The following EPHA4 variants were observed in gnomAD, a reference collection of about 807,000 sequenced individuals.
EPHA4 encodes the protein EPH receptor A4.
In EPHA4, 19 loss-of-function variants were observed where a neutral mutation model predicts 108.3. That is an observed-to-expected ratio of 0.18 (90% confidence interval 0.12 to 0.26). The LOEUF (loss-of-function observed/expected upper bound fraction) is 0.26, where lower values mean the gene tolerates loss of function less well. EPHA4 is among the 10% of genes least tolerant of loss of function. EPHA4 has a pLI of 1.00. For missense variants in EPHA4, 917 were observed against 1,254.0 expected (o/e 0.73, Z 4.06); for synonymous variants, 449 against 455.5 (o/e 0.99, Z 0.18).
intron 4 of EPHA4, among the ~76,000 whole-genome samples, chr2:221,485,124 T>C (rs1691941068): frequency 6.6e-6 from 1 of 152,180 alleles, no homozygotes; most frequent in African/African-American, 2.4e-5. Context: ...CCTGGTCCAC[T>C]TTCACATGGG....
Position 221,508,517 on chromosome 2 carries a change from T to G in EPHA4, c.824-7345A>C, listed in dbSNP as rs551940415. On this transcript the variant is annotated intron_variant, in intron 3 of 17. Coordinates refer to ENST00000281821, the MANE Select transcript of EPHA4 (RefSeq NM_004438.5). The stretch of plus-strand genomic sequence containing the variant: ...TCACTTGAACCCGGGAGACTGAGGT[T>G]GCAGGGAGCCAAGATCATGCCACTG... 4.6e-5 allele frequency among the ~76,000 whole-genome samples: 7 copies of G among 150,680 alleles called. No homozygotes were observed. In the East Asian group the frequency reaches 7.8e-4, roughly 17 times the overall value.
In EPHA4 at chr2:221,543,791, A is replaced by C. The variant is rs753177801; in HGVS notation, c.823+19940T>G. Among the ~76,000 whole-genome samples, 7 of 152,248 alleles carry C rather than the reference A, an allele frequency of 4.6e-5. No homozygotes were observed. In the South Asian group the frequency reaches 6.2e-4, roughly 14 times the overall value. ...CTTAGAAGGATAAAGTGACTTCTACAAGATTCACACATCCAGAAAAGTCCT... is the reference window on the plus strand; with the variant it reads ...CTTAGAAGGATAAAGTGACTTCTACCAGATTCACACATCCAGAAAAGTCCT... On this transcript the variant is annotated intron_variant, in intron 3 of 17. Coordinates refer to ENST00000281821, the MANE Select transcript of EPHA4 (RefSeq NM_004438.5).
chr2:221,541,343 G>A (rs1430081020), intron 3 of EPHA4, among the ~76,000 whole-genome samples: 2 of 152,092 alleles, frequency 1.3e-5, no homozygotes, highest in Admixed American at 1.3e-4. Flanking sequence ...CCCCTAAGAA[G>A]GTACCATATT....
chr2:221,522,748 TATTATTATTA>T (rs1311478617), intron 3 of EPHA4, among the ~76,000 whole-genome samples: 16 of 32,478 alleles, frequency 4.9e-4, no homozygotes, highest in Admixed American at 1.8e-3. Context: ...TTATTATTAT[TATTATTATTA>T]TTATTATTAT....
At chr2:221,466,619 A>C (rs2106126042) in intron 5 of EPHA4, among the ~76,000 whole-genome samples, 1 of 152,332 alleles carries the variant, frequency 6.6e-6, no homozygotes, top group Non-Finnish European at 1.5e-5. Context: ...CAACATACAC[A>C]CGAAACTAGC....
At chr2:221,475,261 A>T (rs182962656) in intron 5 of EPHA4, among the ~76,000 whole-genome samples, 1 of 152,350 alleles carries the variant, frequency 6.6e-6, no homozygotes, top group Admixed American at 6.5e-5. Flanking sequence ...GAGAACCAGA[A>T]TATCAGTGAA....
chr2:221,435,143 G>C (rs972088577), intron 13 of EPHA4, among the ~76,000 whole-genome samples: 1 of 152,088 alleles, frequency 6.6e-6, no homozygotes, highest in Non-Finnish European at 1.5e-5. Flanking sequence ...GTAGGGCTAC[G>C]AAACAGGACA....
At chr2:221,492,543 C>A (rs1420818798) in intron 4 of EPHA4, among the ~76,000 whole-genome samples, 1 of 152,138 alleles carries the variant, frequency 6.6e-6, no homozygotes, top group Non-Finnish European at 1.5e-5. Flanking sequence ...AAACAAAAAC[C>A]ATCCACTTGG....
At chr2:221,473,239 CAG>C (rs779348896) in intron 5 of EPHA4, among the ~76,000 whole-genome samples, 128 of 152,104 alleles carry the variant, frequency 8.4e-4, no homozygotes, top group Non-Finnish European at 6.8e-4. Context: ...AGGTGGACAC[CAG>C]AAGAAGGTTC....
intron 4 of EPHA4, among the ~76,000 whole-genome samples, chr2:221,490,273 AAAAG>A (rs923866441): frequency 1.3e-5 from 2 of 151,516 alleles, no homozygotes; most frequent in African/African-American, 2.4e-5. Context: ...AAAAAAAAAG[AAAAG>A]AAAGAAAGAA....
At chr2:221,567,845 C>G (rs1167716357) in intron 2 of EPHA4, among the ~76,000 whole-genome samples, 1 of 152,148 alleles carries the variant, frequency 6.6e-6, no homozygotes, top group Non-Finnish European at 1.5e-5. Flanking sequence ...AATCAATGGA[C>G]TCAGCCATAA....
At chr2:221,558,826 T>C (rs749270635) in intron 3 of EPHA4, among the ~76,000 whole-genome samples, 4 of 152,194 alleles carry the variant, frequency 2.6e-5, no homozygotes, top group Non-Finnish European at 5.9e-5. Context: ...ATTACATTTT[T>C]TCAATGATCA....
At chr2:221,437,859 G>T (rs528235554) in intron 11 of EPHA4, among the ~76,000 whole-genome samples, 2 of 151,932 alleles carry the variant, frequency 1.3e-5, no homozygotes, top group Admixed American at 6.5e-5. Context: ...GGAGGCCAAG[G>T]TTGTAGTGAG....
At chr2:221,524,495 C>A (rs1693265901) in intron 3 of EPHA4, among the ~76,000 whole-genome samples, 1 of 152,152 alleles carries the variant, frequency 6.6e-6, no homozygotes, top group South Asian at 2.1e-4. Context: ...TCATTAGAAC[C>A]CACCTAGTTA....
At chr2:221,496,573 C>T (rs923368151) in intron 4 of EPHA4, among the ~76,000 whole-genome samples, 1 of 152,066 alleles carries the variant, frequency 6.6e-6, no homozygotes, top group Admixed American at 6.6e-5. Flanking sequence ...TCTTCAGAGG[C>T]TTATGCAGTT....
chr2:221,531,090 A>G (rs1198980511), intron 3 of EPHA4, among the ~76,000 whole-genome samples: 2 of 152,140 alleles, frequency 1.3e-5, no homozygotes, highest in African/African-American at 2.4e-5. Flanking sequence ...GCAAACAAAT[A>G]CGCTCTAAGA....
At chr2:221,489,924 C>T (rs1043275615) in intron 4 of EPHA4, among the ~76,000 whole-genome samples, 1 of 152,080 alleles carries the variant, frequency 6.6e-6, no homozygotes, top group African/African-American at 2.4e-5. Context: ...AGGTGGAAGG[C>T]TTGACAAGCC....
At chr2:221,490,012 G>A (rs1354610488) in intron 4 of EPHA4, among the ~76,000 whole-genome samples, 3 of 151,800 alleles carry the variant, frequency 2.0e-5, no homozygotes, top group Admixed American at 2.0e-4. Context: ...CAGGTGTAGT[G>A]GCATGTTCCT....
chr2:221,438,811 C>G (rs1489517860), intron 11 of EPHA4, among the ~76,000 whole-genome samples: 1 of 151,934 alleles, frequency 6.6e-6, no homozygotes, highest in African/African-American at 2.4e-5. Context: ...AAAAATCACA[C>G]TTTTTATTGC....
Sources: gnomAD v4.1 joint callset for allele counts (sites outside exome capture counted in the v4.1 genomes callset) on GRCh38, gnomAD v4.1.1 for gene constraint, MANE v1.5 for transcripts, NCBI Gene and HGNC (gene_info 2026-07-23, HGNC 2026-07-21) for gene names.